The following SRPK2 variants were observed in gnomAD, a reference collection of about 807,000 sequenced individuals.
SRPK2 encodes SRSF protein kinase 2, also known as SFRS protein kinase 2.
In SRPK2, 21 loss-of-function variants were observed where a neutral mutation model predicts 90.8. The observed-to-expected ratio is 0.23, with a 90% CI of 0.16 to 0.33. The LOEUF (loss-of-function observed/expected upper bound fraction) is 0.33, where lower values mean the gene tolerates loss of function less well. Among genes scored for constraint, SRPK2 ranks in the 10% least tolerant of loss-of-function variants. SRPK2 has a pLI of 1.00. For synonymous variants in SRPK2, 288 were observed against 311.1 expected, an observed-to-expected ratio of 0.93 and a Z score of 0.78; for missense variants, 620 against 869.0, an observed-to-expected ratio of 0.71 and a Z score of 3.60.
intron 2 of SRPK2, among the ~76,000 whole-genome samples, chr7:105,278,725 AG>A (rs1409070458): frequency 2.0e-5 from 3 of 151,154 alleles, no homozygotes; most frequent in Non-Finnish European, 4.4e-5. Flanking sequence ...GAAAGGGGAA[AG>A]GGGGAAAAGG....
chr7:105,226,100 C>A (rs1798673835), intron 2 of SRPK2, among the ~76,000 whole-genome samples: 1 of 151,998 alleles, frequency 6.6e-6, no homozygotes, highest in South Asian at 2.1e-4. Context: ...AGTCTAGGAA[C>A]CTAAAGACTT....
intron 2 of SRPK2, among the ~76,000 whole-genome samples, chr7:105,274,136 G>A (rs1185283215): frequency 2.0e-5 from 3 of 152,094 alleles, no homozygotes; most frequent in African/African-American, 7.2e-5. Context: ...CTGTTCTTTT[G>A]GATAAACACA....
At chr7:105,241,175 G>A (rs1363177518) in intron 2 of SRPK2, among the ~76,000 whole-genome samples, 1 of 152,104 alleles carries the variant, frequency 6.6e-6, no homozygotes, top group African/African-American at 2.4e-5. Context: ...GACATATTGA[G>A]GTATATAACA....
intron 1 of SRPK2, among the ~76,000 whole-genome samples, chr7:105,397,810 A>T (rs560103740): frequency 2.7e-5 from 4 of 150,326 alleles, no homozygotes; most frequent in Non-Finnish European, 5.9e-5. Context: ...TGCCCTGCTA[A>T]TTTTTTTTTG....
intron 2 of SRPK2, among the ~76,000 whole-genome samples, chr7:105,301,066 A>C (rs1430658700): frequency 6.6e-6 from 1 of 152,182 alleles, no homozygotes; most frequent in East Asian, 1.9e-4. Context: ...ACACATGCAC[A>C]TGTATGTTTA....
intron 2 of SRPK2, among the ~76,000 whole-genome samples, chr7:105,219,642 A>G (rs1797866915): frequency 6.6e-6 from 1 of 152,362 alleles, no homozygotes; most frequent in South Asian, 2.1e-4. Flanking sequence ...CTCCTTACTT[A>G]GACATTAAAT....
chr7:105,154,147 GAATT>G (rs1225140580), intron 7 of SRPK2, among the ~76,000 whole-genome samples: 2 of 152,208 alleles, frequency 1.3e-5, no homozygotes, highest in African/African-American at 4.8e-5. Flanking sequence ...TAACTGGTGA[GAATT>G]AATGAGAAAA....
At position 105,153,619 on chromosome 7, in the gene SRPK2, A is replaced by T. The variant is rs74451061; in HGVS notation, c.621+6888T>A. On this transcript the variant is annotated intron_variant, in intron 7 of 15. Coordinates refer to ENST00000393651, the MANE Select transcript of SRPK2 (RefSeq NM_182692.3). The stretch of plus-strand genomic sequence containing the variant: ...CCCAAAATTCTGAACTGTAAAAAGA[A>T]ATAGAATGAGAGCAACTTTCCAAAT... 3.1e-3 allele frequency among the ~76,000 whole-genome samples: 465 copies of T among 152,252 alleles called. 14 individuals are homozygous for T. The East Asian group carries it at 0.062, about 20-fold the overall frequency.
At chr7:105,390,947 G>A (rs890214524), upstream of SRPK2, among the ~76,000 whole-genome samples, 1 of 152,104 alleles carries the variant, frequency 6.6e-6, no homozygotes, top group Non-Finnish European at 1.5e-5. Flanking sequence ...ATGTCAGTTT[G>A]TTCCATTACT....
At chr7:105,146,250 T>C (rs1804615001) in intron 8 of SRPK2, among the ~76,000 whole-genome samples, 2 of 152,198 alleles carry the variant, frequency 1.3e-5, no homozygotes, top group African/African-American at 4.8e-5. Flanking sequence ...TGTTCAAATA[T>C]AGATGAAGCA....
chr7:105,262,749 T>C (rs1804476941), intron 2 of SRPK2, among the ~76,000 whole-genome samples: 1 of 152,072 alleles, frequency 6.6e-6, no homozygotes, highest in Non-Finnish European at 1.5e-5. Flanking sequence ...TTTCTACTTC[T>C]AATCCTCCTC....
intron 2 of SRPK2, among the ~76,000 whole-genome samples, chr7:105,224,814 TCA>T (rs1424736205): frequency 6.6e-6 from 1 of 152,184 alleles, no homozygotes; most frequent in Non-Finnish European, 1.5e-5. Flanking sequence ...TTTAGTACAT[TCA>T]GTTAGTATTC....
At chr7:105,205,712 AAGG>A (rs1409027727) in intron 2 of SRPK2, among the ~76,000 whole-genome samples, 2 of 152,152 alleles carry the variant, frequency 1.3e-5, no homozygotes, top group Non-Finnish European at 2.9e-5. Flanking sequence ...GAGAGTTCTG[AAGG>A]AGGAGAGGCA....
intron 2 of SRPK2, among the ~76,000 whole-genome samples, chr7:105,345,356 C>A (rs977197181): frequency 6.6e-6 from 1 of 152,112 alleles, no homozygotes; most frequent in Non-Finnish European, 1.5e-5. Context: ...TGATGAATCT[C>A]AATTCTCAGT....
intron 3 of SRPK2, among the ~76,000 whole-genome samples, chr7:105,196,365 C>G (rs1794913736): frequency 6.6e-6 from 1 of 152,196 alleles, no homozygotes; most frequent in African/African-American, 2.4e-5. Flanking sequence ...AAAGTAAAGA[C>G]CACACGTCTA....
At chr7:105,253,032 C>T (rs570222155) in intron 2 of SRPK2, among the ~76,000 whole-genome samples, 2 of 152,200 alleles carry the variant, frequency 1.3e-5, no homozygotes, top group South Asian at 2.1e-4. Flanking sequence ...CGTGAGCCAC[C>T]GCGCCCGACC....
At chr7:105,180,111 T>C (rs1186547009) in intron 3 of SRPK2, among the ~76,000 whole-genome samples, 4 of 152,044 alleles carry the variant, frequency 2.6e-5, no homozygotes, top group Non-Finnish European at 4.4e-5. Context: ...AAAGCCCAAA[T>C]AGCCAAGGCA....
chr7:105,361,374 A>G (rs1342063963), intron 2 of SRPK2, among the ~76,000 whole-genome samples: 3 of 152,216 alleles, frequency 2.0e-5, no homozygotes, highest in Admixed American at 6.5e-5. Context: ...AGGAAGAATC[A>G]ATATCGTGAA....
At chr7:105,140,643 A>G (rs1407045885) in intron 11 of SRPK2, among the ~76,000 whole-genome samples, 1 of 151,962 alleles carries the variant, frequency 6.6e-6, no homozygotes, top group Non-Finnish European at 1.5e-5. Flanking sequence ...GAAATAATTA[A>G]AAAGGTACTT....
Sources: gnomAD v4.1 joint callset for allele counts (sites outside exome capture counted in the v4.1 genomes callset) on GRCh38, gnomAD v4.1.1 for gene constraint, MANE v1.5 for transcripts, NCBI Gene and HGNC (gene_info 2026-07-23, HGNC 2026-07-21) for gene names.